Variants in CACNG1 observed in about 807,000 individuals in gnomAD.
CACNG1 encodes the protein voltage-dependent calcium channel gamma-1 subunit.
A neutral mutation model predicts 22.0 loss-of-function variants in CACNG1; 21 were observed. The ratio of observed to expected loss-of-function variants is 0.95; its 90% CI spans 0.68 to 1.37. The LOEUF (loss-of-function observed/expected upper bound fraction) is 1.37, where lower values mean the gene tolerates loss of function less well. Ranked by LOEUF, CACNG1 falls within the 40% of genes most tolerant of loss-of-function variation. CACNG1 has a pLI of 0.00. For missense variants in CACNG1, 291 were observed against 308.6 expected, an observed-to-expected ratio of 0.94 and a Z score of 0.43; for synonymous variants, 127 against 129.2, an observed-to-expected ratio of 0.98 and a Z score of 0.12.
At chr17:67,052,591 G>C (rs1369252594) in intron 1 of CACNG1, among the ~76,000 whole-genome samples, 3 of 152,160 alleles carry the variant, frequency 2.0e-5, no homozygotes, top group Admixed American at 6.5e-5. Flanking sequence ...ATCTCAACTA[G>C]AGAAAGAGAT....
At chr17:67,050,686 T>G (rs888490701) in intron 1 of CACNG1, among the ~76,000 whole-genome samples, 1 of 152,192 alleles carries the variant, frequency 6.6e-6, no homozygotes, top group African/African-American at 2.4e-5. Context: ...CAAGTTCAGC[T>G]TGGAGCTAAA....
At position 67,044,843 on chromosome 17, in the gene CACNG1, C is replaced by A. The variant is rs778121215; in HGVS notation, c.183C>A (p.Ile61=). Residue 61 remains isoleucine (I), a synonymous_variant, in exon 1 of 4, where the codon ATC becomes ATA. Coordinates refer to ENST00000226021, the MANE Select transcript of CACNG1 (RefSeq NM_000727.4). This position sits in a 1 kb window ranked among gnomAD's most constrained non-coding sequence, Gnocchi z 6.9. ...FGLWRICTKR[I]PMDDSKTCGP... ...TCTGGCGGATTTGTACCAAGCGCAT[C>A]CCCATGGACGACAGCAAGACCTGCG... 3.8e-5 allele frequency: 62 copies of A among 1,613,366 alleles called. No homozygotes were observed. The highest frequency in any genetic ancestry group is 5.2e-5 in the Non-Finnish European group (61 of 1,180,042).
chr17:67,051,070 G>A (rs1288783278), intron 1 of CACNG1, among the ~76,000 whole-genome samples: 1 of 152,154 alleles, frequency 6.6e-6, no homozygotes, highest in African/African-American at 2.4e-5. Context: ...GCAGAGAGGG[G>A]CATCCCAGAG....
At chr17:67,050,141 C>T (rs1374412072) in intron 1 of CACNG1, among the ~76,000 whole-genome samples, 1 of 152,258 alleles carries the variant, frequency 6.6e-6, no homozygotes, top group Non-Finnish European at 1.5e-5. Context: ...CAGGTTGCCC[C>T]AGGGCCCACT....
chr17:67,054,766 A>C lies in CACNG1; in HGVS notation c.305-337A>C, dbSNP rs916580489. On this transcript the variant is annotated intron_variant, in intron 2 of 3. Transcript: ENST00000226021. This position sits in a 1 kb window ranked among gnomAD's most constrained non-coding sequence, Gnocchi z 4.6. ...GATACACATGCATGATGACACACAA[A>C]ATGACACACAGTGACACACACAGAC... is the stretch of plus-strand genomic sequence containing the variant. 6.6e-6 allele frequency among the ~76,000 whole-genome samples: 1 copy of C among 151,074 alleles called. No individual in the cohort carries two copies. The highest frequency in any genetic ancestry group is 2.4e-5 in the African/African-American group (1 of 41,022).
At position 67,053,283 on chromosome 17, in the gene CACNG1, AT is replaced by A. The variant is rs1321112517; in HGVS notation, c.230-709del. On this transcript the variant is annotated intron_variant, in intron 1 of 3. Transcript: ENST00000226021. The stretch of plus-strand genomic sequence containing the variant: ...ACTCGGAAAAAGCCCTTTGCAGGGC[AT>A]TTTAAGGGGCCTGGAGCAGGGTTCC... Among the ~76,000 whole-genome samples the A allele has an allele frequency of 8.5e-5, 13 of 152,336 alleles. No homozygotes were observed. The East Asian group carries it at 2.5e-3, about 29-fold the overall frequency.
In CACNG1 at chr17:67,055,267, C is replaced by A; in HGVS notation, c.442+27C>A. 6.2e-7 allele frequency: 1 copy of A among 1,601,770 alleles called. No individual in the cohort carries two copies. The highest frequency in any genetic ancestry group is 8.5e-7 in the Non-Finnish European group (1 of 1,171,438). ...TAGACTGGGGGATCTGCCTGAGCGC[C>A]GGGGCCGGGGGACCATGTCGCGGGG... On this transcript the variant is annotated intron_variant, in intron 3 of 3. Coordinates refer to ENST00000226021, the MANE Select transcript of CACNG1 (RefSeq NM_000727.4). The surrounding 1 kb of genome is among the most constrained non-coding windows in gnomAD (Gnocchi z 4.5).
In CACNG1 at chr17:67,044,883, C is replaced by T; in HGVS notation, c.223C>T (p.Pro75Ser). The change falls in exon 1 of 4, where the codon CCC becomes TCC. Residue 75 changes from proline (P) to serine (S), a missense_variant. Physicochemically the swap from Pro to Ser is moderately conservative, Grantham distance 74. Transcript: ENST00000226021. This position sits in a 1 kb window ranked among gnomAD's most constrained non-coding sequence, Gnocchi z 6.9. ...CAAGACCTGCGGGCCCATCACCCTG[C>T]CCGGGGGTAACGTACCCACCCTCCG... ...DSKTCGPITL[P>S]GEKNCSYFRH... 1 of 1,611,786 alleles carries T rather than the reference C, an allele frequency of 6.2e-7. No individual in the cohort carries two copies. The highest frequency in any genetic ancestry group is 8.5e-7 in the Non-Finnish European group (1 of 1,179,292).
At chr17:67,052,797 C>CA (rs2035735623) in intron 1 of CACNG1, among the ~76,000 whole-genome samples, 1 of 149,016 alleles carries the variant, frequency 6.7e-6, no homozygotes, top group Non-Finnish European at 1.5e-5. Flanking sequence ...TTTTTTGAGA[C>CA]AGAGTCCCAC....
At chr17:67,050,328 C>T (rs935706296) in intron 1 of CACNG1, among the ~76,000 whole-genome samples, 2 of 152,278 alleles carry the variant, frequency 1.3e-5, no homozygotes, top group African/African-American at 4.8e-5. Flanking sequence ...AAGAGCAGTG[C>T]TCTGAAGCTC....
intron 1 of CACNG1, among the ~76,000 whole-genome samples, chr17:67,052,151 T>C (rs2035731545): frequency 6.6e-6 from 1 of 152,202 alleles, no homozygotes; most frequent in Admixed American, 6.5e-5. Flanking sequence ...TGCATTATGC[T>C]TTAAAATAGC....
Position 67,055,288 on chromosome 17 carries a change from CG to C in CACNG1, c.442+53del. 1.3e-6 allele frequency: 2 copies of C among 1,583,312 alleles called. No homozygotes were observed. Among genetic ancestry groups the C allele is most frequent in the Non-Finnish European group, 1.7e-6 (2 of 1,161,064 alleles). On this transcript the variant is annotated intron_variant, in intron 3 of 3. Coordinates refer to ENST00000226021, the MANE Select transcript of CACNG1 (RefSeq NM_000727.4). This position sits in a 1 kb window ranked among gnomAD's most constrained non-coding sequence, Gnocchi z 4.5. ...GCGCCGGGGCCGGGGGACCATGTCG[CG>C]GGGGATTCTCCGCTCCACCCTCATG...
chr17:67,047,811 C>CATGCATGCACAATGCTAT (rs1380648142), intron 1 of CACNG1, among the ~76,000 whole-genome samples: 1 of 152,060 alleles, frequency 6.6e-6, no homozygotes, highest in Non-Finnish European at 1.5e-5. Context: ...TAGGAGGCCA[C>CATGCATGCACAATGCTAT]ATGCATGCAC....
chr17:67,049,435 C>A (rs569674914), intron 1 of CACNG1, among the ~76,000 whole-genome samples: 7 of 152,162 alleles, frequency 4.6e-5, no homozygotes, highest in African/African-American at 1.7e-4. Flanking sequence ...TAACATTCAC[C>A]GTTTTAGTCA....
chr17:67,056,343 G>A lies in CACNG1; in HGVS notation c.*72G>A. On this transcript the variant is annotated 3_prime_UTR_variant, in exon 4 of 4. Coordinates refer to ENST00000226021, the MANE Select transcript of CACNG1 (RefSeq NM_000727.4). The surrounding 1 kb of genome is among the most constrained non-coding windows in gnomAD (Gnocchi z 4.3). Reference sequence around the variant, plus strand: ...GGGTCTTGGCCTGGAACCTTCCAGAGAGGAGGCGGGAGCAATTTTAGCCCC... The same window carrying A: ...GGGTCTTGGCCTGGAACCTTCCAGAAAGGAGGCGGGAGCAATTTTAGCCCC... 1 of 1,373,008 alleles carries A rather than the reference G, an allele frequency of 7.3e-7. No individual in the cohort carries two copies. The allele number at this position is 1,373,008 out of a possible 1,614,324, so 85.1% of individuals were successfully genotyped here. A position where few individuals can be genotyped will look rare whatever the true frequency, so the allele number is the denominator to read the frequency against.
rs748572562 is a variant in CACNG1, at chr17:67,044,784, C to T, written c.124C>T (p.His42Tyr). ...TGTGCTGAGCCCCCACATGGAGCAC[C>T]ACAACACTACCTGCGAGGCGGCCCA... is the stretch of plus-strand genomic sequence containing the variant. ...WAVLSPHMEHHNTTCEAAHFG... is the reference protein window; with the variant it reads ...WAVLSPHMEHYNTTCEAAHFG... The change falls in exon 1 of 4, where the codon CAC becomes TAC. Residue 42 changes from histidine (H) to tyrosine (Y), a missense_variant. Coordinates refer to ENST00000226021, the MANE Select transcript of CACNG1 (RefSeq NM_000727.4). The surrounding 1 kb of genome is among the most constrained non-coding windows in gnomAD (Gnocchi z 6.9). The T allele has an allele frequency of 2.5e-6, 4 of 1,613,308 alleles. No homozygotes were observed. Among genetic ancestry groups the T allele is most frequent in the African/African-American group, 2.7e-5 (2 of 74,956 alleles).
intron 1 of CACNG1, among the ~76,000 whole-genome samples, chr17:67,050,732 C>A (rs1457078323): frequency 6.6e-6 from 1 of 152,196 alleles, no homozygotes; most frequent in East Asian, 1.9e-4. Flanking sequence ...AACTGGCACA[C>A]TACACATGGT....
chr17:67,052,787 T>G (rs1425560677), intron 1 of CACNG1, among the ~76,000 whole-genome samples: 1 of 151,950 alleles, frequency 6.6e-6, no homozygotes, highest in African/African-American at 2.4e-5. Context: ...TGCTTTTTTT[T>G]TTTTTGAGAC....
chr17:67,050,266 C>A (rs916973650), intron 1 of CACNG1, among the ~76,000 whole-genome samples: 1 of 152,280 alleles, frequency 6.6e-6, no homozygotes, highest in African/African-American at 2.4e-5. Flanking sequence ...CACTTCACCA[C>A]CCACAGAAGT....
Sources: gnomAD v4.1 joint callset for allele counts (sites outside exome capture counted in the v4.1 genomes callset) on GRCh38, gnomAD v4.1.1 for gene constraint, Gnocchi (gnomAD v3.1) non-coding constraint, MANE v1.5 for transcripts, NCBI Gene and HGNC (gene_info 2026-07-23, HGNC 2026-07-21) for gene names.